PLA2G4A: variants seen among roughly 807,000 people sequenced by gnomAD.
The protein encoded by PLA2G4A is cytosolic phospholipase A2.
In PLA2G4A, 40 loss-of-function variants were observed where a neutral mutation model predicts 81.9. That is an observed-to-expected ratio of 0.49 (90% confidence interval 0.38 to 0.64). PLA2G4A has a LOEUF of 0.64. PLA2G4A is among the 30% of genes least tolerant of loss of function. PLA2G4A has a pLI of 0.00. For missense variants in PLA2G4A, 715 were observed against 905.1 expected (o/e 0.79, Z 2.69); for synonymous variants, 302 against 296.9 (o/e 1.02, Z -0.18).
intron 1 of PLA2G4A, among the ~76,000 whole-genome samples, chr1:186,845,580 T>C (rs1652142322): frequency 6.6e-6 from 1 of 152,154 alleles, no homozygotes; most frequent in Non-Finnish European, 1.5e-5. Flanking sequence ...GTCTATACAA[T>C]GAGTTGGAGG....
intron 12 of PLA2G4A, among the ~76,000 whole-genome samples, chr1:186,947,720 G>A (rs1232597221): frequency 6.6e-6 from 1 of 152,104 alleles, no homozygotes; most frequent in Non-Finnish European, 1.5e-5. Context: ...TAAAGAAATG[G>A]TGGCATGCTA....
At chr1:186,864,317 A>G (rs915580514) in intron 2 of PLA2G4A, among the ~76,000 whole-genome samples, 6 of 151,848 alleles carry the variant, frequency 4.0e-5, no homozygotes, top group Non-Finnish European at 5.9e-5. Context: ...TATATGCCCA[A>G]TAGTAGGATT....
chr1:186,907,720 T>C (rs1282530922), intron 6 of PLA2G4A, among the ~76,000 whole-genome samples: 1 of 152,356 alleles, frequency 6.6e-6, no homozygotes, highest in South Asian at 2.1e-4. Context: ...ATCTGGTGAT[T>C]TGGCAAATGC....
intron 3 of PLA2G4A, among the ~76,000 whole-genome samples, chr1:186,873,444 C>T (rs560970347): frequency 7.2e-5 from 11 of 152,124 alleles, no homozygotes; most frequent in Admixed American, 2.0e-4. Context: ...ATAGTGTCTG[C>T]ACTTATTTAT....
chr1:186,830,757 A>G (rs1437543432), intron 1 of PLA2G4A, among the ~76,000 whole-genome samples: 2 of 152,050 alleles, frequency 1.3e-5, no homozygotes, highest in Non-Finnish European at 2.9e-5. Context: ...TTATGTTTTT[A>G]ACCCATTATC....
chr1:186,839,896 G>A (rs1057074162), intron 1 of PLA2G4A, among the ~76,000 whole-genome samples: 2 of 149,160 alleles, frequency 1.3e-5, no homozygotes, highest in Non-Finnish European at 3.0e-5. Flanking sequence ...ACACTCCAAC[G>A]CACACATAAA....
At chr1:186,848,197 G>A (rs1298549407) in intron 1 of PLA2G4A, among the ~76,000 whole-genome samples, 3 of 152,112 alleles carry the variant, frequency 2.0e-5, no homozygotes, top group African/African-American at 7.2e-5. Flanking sequence ...GAGAATCTCA[G>A]AAGAATCCAC....
At chr1:186,947,032 A>G in intron 12 of PLA2G4A, 71 bp downstream of exon 12, 1 of 843,052 alleles carries the variant, frequency 1.2e-6, no homozygotes, top group Non-Finnish European at 2.0e-6. Context: ...ATATATAGAG[A>G]GAATATTAAA....
intron 3 of PLA2G4A, among the ~76,000 whole-genome samples, chr1:186,889,656 C>G (rs1219488443): frequency 6.6e-6 from 1 of 151,872 alleles, no homozygotes; most frequent in Non-Finnish European, 1.5e-5. Flanking sequence ...ATGACCATAG[C>G]TGTTGTTGAC....
chr1:186,877,768 T>C (rs1653560019), intron 3 of PLA2G4A, among the ~76,000 whole-genome samples: 1 of 145,554 alleles, frequency 6.9e-6, no homozygotes, highest in Admixed American at 6.9e-5. Context: ...AGCAGTAAGA[T>C]CTCAGGGAAT....
intron 5 of PLA2G4A, among the ~76,000 whole-genome samples, chr1:186,895,986 AT>A (rs1654319089): frequency 6.6e-6 from 1 of 151,468 alleles, no homozygotes; most frequent in East Asian, 1.9e-4. Flanking sequence ...ATACATGCAT[AT>A]GATAATATAT....
At chr1:186,831,020 T>TTC (rs1190042072) in intron 1 of PLA2G4A, among the ~76,000 whole-genome samples, 1 of 147,704 alleles carries the variant, frequency 6.8e-6, no homozygotes, top group African/African-American at 2.5e-5. Flanking sequence ...CTTTCTTTCT[T>TTC]TTTCTTTCTT....
chr1:186,868,817 AGTT>A (rs1653130393), intron 2 of PLA2G4A, among the ~76,000 whole-genome samples: 1 of 152,064 alleles, frequency 6.6e-6, no homozygotes, highest in Admixed American at 6.6e-5. Flanking sequence ...GTGAGCATAG[AGTT>A]GTTTGTAGTA....
chr1:186,959,250 A>G (rs988808244), intron 14 of PLA2G4A, among the ~76,000 whole-genome samples: 1 of 152,124 alleles, frequency 6.6e-6, no homozygotes, highest in Admixed American at 6.5e-5. Context: ...TCGCATTTGG[A>G]GAATAATAGT....
At position 186,890,938 on chromosome 1, in the gene PLA2G4A, T is replaced by C. The variant is rs1654115512; in HGVS notation, c.116-2073T>C. Among the ~76,000 whole-genome samples, 4 of 152,010 alleles carry C rather than the reference T, an allele frequency of 2.6e-5. 1 individual carries two copies. In the South Asian group the frequency reaches 8.3e-4, roughly 31 times the overall value. On this transcript the variant is annotated intron_variant, in intron 3 of 17. Coordinates refer to ENST00000367466, the MANE Select transcript of PLA2G4A (RefSeq NM_024420.3). ...TGAATATTGCCATAATAAATACATG[T>C]TGATTTTTAATATGAGTGCCACCCC... is the stretch of plus-strand genomic sequence containing the variant.
At chr1:186,931,069 T>A (rs1455661224) in intron 7 of PLA2G4A, among the ~76,000 whole-genome samples, 1 of 152,322 alleles carries the variant, frequency 6.6e-6, no homozygotes, top group African/African-American at 2.4e-5. Context: ...TATTGTATTC[T>A]ACTCATCCTC....
chr1:186,847,114 T>G (rs1558356486), intron 1 of PLA2G4A, among the ~76,000 whole-genome samples: 1 of 145,010 alleles, frequency 6.9e-6, no homozygotes, highest in Non-Finnish European at 1.5e-5. Context: ...TACATATATA[T>G]TTATATTTGA....
At chr1:186,937,738 A>T (rs529680987) in intron 8 of PLA2G4A, among the ~76,000 whole-genome samples, 1 of 125,078 alleles carries the variant, frequency 8.0e-6, no homozygotes, top group African/African-American at 2.5e-5. Context: ...ACTAAAAAAA[A>T]AATAGCCTAC....
chr1:186,954,527 A>C (rs1383281499), intron 13 of PLA2G4A, among the ~76,000 whole-genome samples: 1 of 152,176 alleles, frequency 6.6e-6, no homozygotes, highest in African/African-American at 2.4e-5. Context: ...AACATGACAC[A>C]TGTATAGCTA....
Sources: gnomAD v4.1 joint callset for allele counts (sites outside exome capture counted in the v4.1 genomes callset) on GRCh38, gnomAD v4.1.1 for gene constraint, MANE v1.5 for transcripts, NCBI Gene and HGNC (gene_info 2026-07-23, HGNC 2026-07-21) for gene names.